The following SPON2 variants were observed in gnomAD, a reference collection of about 807,000 sequenced individuals.
The protein encoded by SPON2 is spondin-2.
A neutral mutation model predicts 29.9 loss-of-function variants in SPON2; 32 were observed. That is an observed-to-expected ratio of 1.07 (90% CI 0.81 to 1.44). The LOEUF is 1.44. Among genes scored for constraint, SPON2 ranks in the 40% most tolerant of loss-of-function variants. The pLI is 0.00. For missense variants in SPON2, 541 were observed against 455.5 expected, an observed-to-expected ratio of 1.19 and a Z score of -1.71; for synonymous variants, 248 against 209.1, an observed-to-expected ratio of 1.19 and a Z score of -1.61.
chr4:1,171,866 C>T lies in SPON2; in HGVS notation c.206G>A (p.Trp69Ter), dbSNP rs1398763005. The change falls in exon 2 of 6, where the codon TGG becomes TAG. Residue 69 changes from tryptophan (W) to a stop codon, truncating the protein, a stop_gained. Coordinates refer to ENST00000290902, the MANE Select transcript of SPON2 (RefSeq NM_012445.4). LOFTEE classifies it high-confidence loss of function. ...QYPLFRPPAQWSSLLGAAHSS... is the reference protein window; with the variant it reads ...QYPLFRPPAQ Reference sequence around the variant, plus strand: ...GCTGTACTTACCCAGCAGCGAAGACCACTGCGCAGGGGGGCGGAACAGGGG... The same window carrying T: ...GCTGTACTTACCCAGCAGCGAAGACTACTGCGCAGGGGGGCGGAACAGGGG... 2 of 1,612,552 alleles carry T rather than the reference C, an allele frequency of 1.2e-6. No individual in the cohort carries two copies.
At chr4:1,179,177 C>T (rs149708896) in intron 2 of SPON2, among the ~76,000 whole-genome samples, 7 of 152,286 alleles carry the variant, frequency 4.6e-5, no homozygotes, top group South Asian at 2.1e-4. Flanking sequence ...GGACCTTGCC[C>T]GGCTGCTTCA....
rs1244305574 is a variant in SPON2 at position 1,171,400 on chromosome 4, C to A, written c.307G>T (p.Ala103Ser). 6 of 1,612,316 alleles carry A rather than the reference C, an allele frequency of 3.7e-6. No individual in the cohort carries two copies. The South Asian group carries it at 4.4e-5, about 12-fold the overall frequency. The part of the protein sequence containing the change: ...GLRDFAERGE[A>S]WALMKEIEAA... ...TCGATCTCCTTCATCAGCGCCCAGG[C>A]CTCGCCGCGCTCCGCAAAGTCGCGC... Residue 103 changes from alanine to serine, a missense_variant, in exon 3 of 6, where the codon GCC (alanine) becomes TCC (serine). Transcript: ENST00000290902.
At chr4:1,178,091 G>A (rs1230265976), upstream of SPON2, among the ~76,000 whole-genome samples, 1 of 150,858 alleles carries the variant, frequency 6.6e-6, no homozygotes, top group Non-Finnish European at 1.5e-5. Flanking sequence ...GACACCACGG[G>A]CTCTGCACAC....
intron 1 of SPON2, among the ~76,000 whole-genome samples, chr4:1,200,409 G>T (rs1033495011): frequency 4.6e-5 from 7 of 152,178 alleles, no homozygotes; most frequent in African/African-American, 1.7e-4. Context: ...AGTGGAGGGA[G>T]GAAGGGGCTT....
chr4:1,172,395 C>T lies in SPON2; in HGVS notation c.-4+149G>A. 2 of 473,278 alleles carry T rather than the reference C, an allele frequency of 4.2e-6. 1 individual carries two copies. Among genetic ancestry groups the T allele is most frequent in the South Asian group, 4.4e-5 (2 of 45,590 alleles). 29.3% of individuals were successfully genotyped at this position (473,278 alleles called of 1,614,324 possible). A position where few individuals can be genotyped will look rare whatever the true frequency, so the allele number is the denominator to read the frequency against. On this transcript the variant is annotated intron_variant, in intron 1 of 5. Transcript: ENST00000290902. ...CGTCGCAGGGACCCGGGGCCTTGGCCGACTGGCTGCCCCCGGGACTAGACC... is the reference window on the plus strand; with the variant it reads ...CGTCGCAGGGACCCGGGGCCTTGGCTGACTGGCTGCCCCCGGGACTAGACC...
Position 1,186,068 on chromosome 4 carries a change from C to T in SPON2, c.-238-6527G>A, listed in dbSNP as rs904239763. On this transcript the variant is annotated intron_variant, in intron 1 of 3. Coordinates refer to the SPON2 transcript ENST00000502483. ...GACCATCCTGGCTAACACGGTGAAACCCCATCTCTACTAAAAATACAAAAA... is the reference window on the plus strand; with the variant it reads ...GACCATCCTGGCTAACACGGTGAAATCCCATCTCTACTAAAAATACAAAAA... 1.1e-4 allele frequency among the ~76,000 whole-genome samples: 16 copies of T among 143,444 alleles called. 1 individual carries two copies. Among genetic ancestry groups the T allele is most frequent in the East Asian group, 2.3e-4 (1 of 4,424 alleles). 94.1% of individuals were successfully genotyped at this position (143,444 alleles called of 152,430 possible).
chr4:1,167,465 T>G lies in SPON2; in HGVS notation c.*7A>C, dbSNP rs780071773. On this transcript the variant is annotated 3_prime_UTR_variant, in exon 6 of 6. Transcript: ENST00000290902. ...CGGGGGGCCCCAGGGGCTGCGGGGCTCTGGTCTTAGACGCAGTTATCAGGG... is the reference window on the plus strand; with the variant it reads ...CGGGGGGCCCCAGGGGCTGCGGGGCGCTGGTCTTAGACGCAGTTATCAGGG... The G allele has an allele frequency of 3.1e-6, 5 of 1,610,818 alleles. No individual in the cohort carries two copies. Among genetic ancestry groups the G allele is most frequent in the Non-Finnish European group, 1.7e-6 (2 of 1,178,328 alleles).
Position 1,171,917 on chromosome 4 carries a change from C to T in SPON2, c.155G>A (p.Ser52Asn), listed in dbSNP as rs1397347872. Residue 52 changes from serine to asparagine, a missense_variant, in exon 2 of 6, where the codon AGC becomes AAC. Physicochemically the swap from Ser to Asn is conservative, Grantham distance 46 (BLOSUM62 1). Coordinates refer to ENST00000290902, the MANE Select transcript of SPON2 (RefSeq NM_012445.4). ...KYSITFTGKW[S>N]QTAFPKQYPL... ...GTACTGCTTGGGGAAGGCCGTCTGG[C>T]TCCACTTGCCCGTGAAGGTGATGCT... The T allele has an allele frequency of 1.9e-6, 3 of 1,612,908 alleles. No homozygotes were observed. Among genetic ancestry groups the T allele is most frequent in the Non-Finnish European group, 2.5e-6 (3 of 1,179,858 alleles).
intron 5 of SPON2, 157 bp from the exon 6 acceptor site, chr4:1,167,813 A>T: frequency 1.4e-6 from 1 of 705,538 alleles, no homozygotes; most frequent in Middle Eastern, 4.1e-4. Context: ...AGTGAGCGGC[A>T]AGATGGGATG....
chr4:1,202,590 C>T lies in SPON2; in HGVS notation c.-234+5290G>A, dbSNP rs893049184. ...TTCTGTGGGCTCAGCCCACTCAGTG[C>T]TCATGGGTCGGAGTCTCCTGCCTGC... On this transcript the variant is annotated intron_variant, in intron 1 of 3. Coordinates refer to the SPON2 transcript ENST00000509233. This position sits in a 1 kb window ranked among gnomAD's most constrained non-coding sequence, Gnocchi z 5.4. Among the ~76,000 whole-genome samples the T allele has an allele frequency of 2.9e-4, 44 of 152,138 alleles. No homozygotes were observed. The highest frequency in any genetic ancestry group is 9.9e-4 in the African/African-American group (41 of 41,420).
intron 1 of SPON2, among the ~76,000 whole-genome samples, chr4:1,192,373 G>A (rs562298183): frequency 1.1e-4 from 16 of 152,244 alleles, no homozygotes; most frequent in Non-Finnish European, 1.5e-4. Context: ...AAAGGGATTT[G>A]GAATTCAGGG....
At chr4:1,203,168 A>C (rs769515586) in intron 1 of SPON2, among the ~76,000 whole-genome samples, 2 of 152,158 alleles carry the variant, frequency 1.3e-5, no homozygotes, top group African/African-American at 2.4e-5. Context: ...GAACTACAGG[A>C]AATAAATTTC....
intron 1 of SPON2, among the ~76,000 whole-genome samples, chr4:1,200,453 T>C (rs1450425193): frequency 6.6e-6 from 1 of 151,796 alleles, no homozygotes; most frequent in Non-Finnish European, 1.5e-5. Context: ...CGAGGATGGC[T>C]GAGCCGCCCT....
At chr4:1,170,767 C>T (rs1188000050) in intron 4 of SPON2, 191 bp from the exon 5 acceptor site, 8 of 945,974 alleles carry the variant, frequency 8.5e-6, no homozygotes, top group Non-Finnish European at 1.3e-5. Context: ...AAGGGGCAGC[C>T]TCCTCGGGAC....
chr4:1,188,202 C>CAAAAAAAAAAAAAAAA (rs1164276990), intron 1 of SPON2, among the ~76,000 whole-genome samples: 2 of 36,562 alleles, frequency 5.5e-5, no homozygotes, highest in Non-Finnish European at 5.3e-5. Flanking sequence ...GACTCCGTCT[C>CAAAAAAAAAAAAAAAA]AAAAAAAAAA....
At chr4:1,193,841 G>A (rs1313363880) in intron 1 of SPON2, among the ~76,000 whole-genome samples, 2 of 106,186 alleles carry the variant, frequency 1.9e-5, no homozygotes. Context: ...AAGGACGTGG[G>A]GGGGCAGCGT....
At chr4:1,186,057 A>G (rs921529424) in intron 1 of SPON2, among the ~76,000 whole-genome samples, 14 of 148,182 alleles carry the variant, frequency 9.4e-5, no homozygotes, top group Admixed American at 6.2e-4. Context: ...ATCCTGGCTA[A>G]CACGGTGAAA....
intron 1 of SPON2, among the ~76,000 whole-genome samples, chr4:1,181,410 G>A (rs1425974377): frequency 6.6e-6 from 1 of 152,160 alleles, no homozygotes; most frequent in Non-Finnish European, 1.5e-5. Flanking sequence ...ACACAAGACA[G>A]TAACTCAAAA....
At chr4:1,183,265 AAGAG>A (rs148756230) in intron 1 of SPON2, among the ~76,000 whole-genome samples, 2,840 of 151,658 alleles carry the variant, frequency 0.019, 88 homozygotes, top group African/African-American at 0.066. Context: ...ACAAAAAAGA[AAGAG>A]AGAGAAAATA....
Sources: gnomAD v4.1 joint callset for allele counts (sites outside exome capture counted in the v4.1 genomes callset) on GRCh38, gnomAD v4.1.1 for gene constraint, Gnocchi (gnomAD v3.1) non-coding constraint, MANE v1.5 for transcripts, NCBI Gene and HGNC (gene_info 2026-07-23, HGNC 2026-07-21) for gene names.